FAM120C: variants seen among roughly 807,000 people sequenced by gnomAD.
FAM120C encodes the protein constitutive coactivator of PPAR-gamma-like protein 2.
In FAM120C, 14 loss-of-function variants were observed where a neutral mutation model predicts 71.2. That is an observed-to-expected ratio of 0.20 (90% CI 0.13 to 0.31). The LOEUF is 0.31. Among genes scored for constraint, FAM120C ranks in the 10% least tolerant of loss-of-function variants. FAM120C has a pLI of 1.00. For synonymous variants in FAM120C, 354 were observed against 353.2 expected (o/e 1.00, Z -0.03); for missense variants, 500 against 879.0 (o/e 0.57, Z 5.45).
At chrX:54,176,303 C>G (rs1379594842) in intron 1 of FAM120C, among the ~76,000 whole-genome samples, 1 of 109,452 alleles carries the variant, frequency 9.1e-6, no homozygotes, top group Non-Finnish European at 1.9e-5. Flanking sequence ...TGTAGTGGCA[C>G]GCACCTGCAG....
intron 9 of FAM120C, among the ~76,000 whole-genome samples, chrX:54,127,387 C>T (rs367968840): frequency 6.3e-4 from 68 of 108,070 alleles, no homozygotes; most frequent in African/African-American, 2.1e-3. Flanking sequence ...GTCAGGAGAT[C>T]GAGACCATCC....
chrX:54,091,254 TA>T (rs1557122588), intron 11 of FAM120C, 57 bp downstream of exon 11: 2 of 819,168 alleles, frequency 2.4e-6, no homozygotes, highest in Non-Finnish European at 3.6e-6. Context: ...AAAAAAGACC[TA>T]AAGTAGTGCC....
At chrX:54,158,972 A>G (rs1246921934) in intron 2 of FAM120C, among the ~76,000 whole-genome samples, 1 of 112,232 alleles carries the variant, frequency 8.9e-6, no homozygotes, top group Non-Finnish European at 1.9e-5. Flanking sequence ...AGAGAAAAAC[A>G]TAATGAACAA....
At chrX:54,171,398 C>A (rs1346321608) in intron 1 of FAM120C, 2 of 111,840 alleles carry the variant, frequency 1.8e-5, no homozygotes, top group African/African-American at 6.5e-5. Context: ...CAGAGCAAGA[C>A]CCTGTGTTTA....
At chrX:54,091,029 T>C (rs1409894924) in intron 11 of FAM120C, among the ~76,000 whole-genome samples, 1 of 112,294 alleles carries the variant, frequency 8.9e-6, no homozygotes, top group African/African-American at 3.2e-5. Flanking sequence ...ATGTCCCCTA[T>C]AGTGTATCTT....
intron 12 of FAM120C, among the ~76,000 whole-genome samples, chrX:54,087,524 A>C (rs1045776228): frequency 9.0e-6 from 1 of 111,434 alleles, no homozygotes. Flanking sequence ...AAGAAAAAGG[A>C]TATGAAAACT....
intron 1 of FAM120C, among the ~76,000 whole-genome samples, chrX:54,172,784 G>A (rs2067295060): frequency 9.0e-6 from 1 of 111,672 alleles, no homozygotes; most frequent in Non-Finnish European, 1.9e-5. Context: ...GATGGGGTAG[G>A]GGACTGAGAA....
chrX:54,164,248 A>T (rs954154775), intron 1 of FAM120C, among the ~76,000 whole-genome samples: 1 of 111,754 alleles, frequency 8.9e-6, no homozygotes. Context: ...TGGTATTTTA[A>T]TATTTTTTGT....
intron 4 of FAM120C, among the ~76,000 whole-genome samples, chrX:54,138,600 G>A (rs2067107254): frequency 9.1e-6 from 1 of 110,447 alleles, no homozygotes; most frequent in Non-Finnish European, 1.9e-5. Flanking sequence ...GCCAAGGTGG[G>A]GCTCACCTTT....
At chrX:54,167,582 T>C (rs1400732016) in intron 1 of FAM120C, among the ~76,000 whole-genome samples, 9 of 110,919 alleles carry the variant, frequency 8.1e-5, no homozygotes, top group African/African-American at 2.6e-4. Context: ...TGAGAAGTTA[T>C]GGAGCACAGG....
intron 10 of FAM120C, among the ~76,000 whole-genome samples, chrX:54,107,298 T>C (rs1316291335): frequency 9.2e-6 from 1 of 108,906 alleles, no homozygotes; most frequent in East Asian, 2.9e-4. Flanking sequence ...GGTTTCGCCA[T>C]GTTAGCCAGG....
chrX:54,177,279 A>C (rs781877341), intron 1 of FAM120C, among the ~76,000 whole-genome samples: 1 of 111,327 alleles, frequency 9.0e-6, no homozygotes, highest in African/African-American at 3.3e-5. Flanking sequence ...CTCTGGCAGC[A>C]ATATGGCAGA....
chrX:54,149,690 G>C (rs1557132792), intron 4 of FAM120C, among the ~76,000 whole-genome samples: 2 of 110,820 alleles, frequency 1.8e-5, no homozygotes, highest in African/African-American at 6.6e-5. Context: ...ATTCTTTAGA[G>C]GATGCAACCA....
chrX:54,147,794 A>C (rs1460877454), intron 4 of FAM120C: 1 of 111,631 alleles, frequency 9.0e-6, no homozygotes, highest in Non-Finnish European at 1.9e-5. Flanking sequence ...TCTCGGGTTC[A>C]AGCGATTCTC....
chrX:54,068,779 C>CAGAATAGAAT lies in FAM120C; in HGVS notation c.*4253_*4254insATTCTATTCT, dbSNP rs1197306063. 2 of 94,016 alleles carry CAGAATAGAAT rather than the reference C, an allele frequency of 2.1e-5. No individual in the cohort carries two copies. The highest frequency in any genetic ancestry group is 8.5e-5 in the African/African-American group (2 of 23,419). The allele number at this position is 94,016 out of a possible 1,213,427, so 7.7% of individuals were successfully genotyped here. On this transcript the variant is annotated 3_prime_UTR_variant, in exon 16 of 16. Coordinates refer to ENST00000375180, the MANE Select transcript of FAM120C (RefSeq NM_017848.6). ...GTGTTATTCTAAAAACAGAATAGAA[C>CAGAATAGAAT]AGAATAGAACAGAATAGAATAGAAT...
At chrX:54,093,925 T>TA (rs1351751328) in intron 10 of FAM120C, among the ~76,000 whole-genome samples, 2 of 110,959 alleles carry the variant, frequency 1.8e-5, no homozygotes, top group East Asian at 5.6e-4. Flanking sequence ...AGCTTTAATA[T>TA]ATGCAGCAAA....
rs192812508 is a variant in FAM120C, at chrX:54,088,355, G to A, written c.2428-391C>T. ...GCCTGTAATCCTAGCACTTCGGGAG[G>A]CTGAGGCAGGCAGATCACCTGAGGT... On this transcript the variant is annotated intron_variant, in intron 11 of 15. Coordinates refer to ENST00000375180, the MANE Select transcript of FAM120C (RefSeq NM_017848.6). Among the ~76,000 whole-genome samples, 42 of 110,947 alleles carry A rather than the reference G, an allele frequency of 3.8e-4. No individual in the cohort carries two copies. The Middle Eastern group carries it at 0.014, about 37-fold the overall frequency.
chrX:54,126,660 T>C (rs964388426), intron 9 of FAM120C, among the ~76,000 whole-genome samples: 3 of 113,030 alleles, frequency 2.7e-5, no homozygotes, highest in Non-Finnish European at 5.6e-5. Context: ...GTATTGAATT[T>C]TGTCAAATGC....
At chrX:54,085,587 A>G (rs1557121865) in intron 13 of FAM120C, 128 bp downstream of exon 13, 1 of 148,264 alleles carries the variant, frequency 6.7e-6, no homozygotes, top group East Asian at 2.2e-4. Flanking sequence ...AACTCCGTCT[A>G]AAAAAAAAAA....
Sources: gnomAD v4.1 joint callset for allele counts (sites outside exome capture counted in the v4.1 genomes callset) on GRCh38, gnomAD v4.1.1 for gene constraint, MANE v1.5 for transcripts, NCBI Gene and HGNC (gene_info 2026-07-23, HGNC 2026-07-21) for gene names.